The following EPN1 variants were observed in gnomAD, a reference collection of about 807,000 sequenced individuals.
EPN1 encodes the protein epsin 1, also known as epsin-1.
In EPN1, 25 loss-of-function variants were observed where a neutral mutation model predicts 56.9. The observed-to-expected ratio is 0.44, with a 90% confidence interval of 0.32 to 0.61. EPN1 has a LOEUF of 0.61. Among genes scored for constraint, EPN1 ranks in the 20% least tolerant of loss-of-function variants. The pLI, the probability that EPN1 is intolerant of heterozygous loss-of-function variation, is 0.05. For synonymous variants in EPN1, 411 were observed against 361.8 expected (o/e 1.14, Z -1.54); for missense variants, 785 against 823.7 (o/e 0.95, Z 0.58).
chr19:55,709,150 G>C lies in EPN1; in HGVS notation c.*13794G>C, dbSNP rs184959186. 5 of 721,040 alleles carry C rather than the reference G, an allele frequency of 6.9e-6. No individual in the cohort carries two copies. The highest frequency in any genetic ancestry group is 1.1e-5 in the Non-Finnish European group (5 of 474,588). The allele number at this position is 721,040 out of a possible 1,614,324, so 44.7% of individuals were successfully genotyped here. ...CTCCTCTCCTCTTTATTCTTTCCTA[G>C]AAATCACTGGGAGAATTGTACTGAA... On this transcript the variant is annotated 3_prime_UTR_variant, in exon 11 of 11. Transcript: ENST00000270460.
At chr19:55,679,079 C>G (rs762641943) in intron 2 of EPN1, among the ~76,000 whole-genome samples, 1 of 152,270 alleles carries the variant, frequency 6.6e-6, no homozygotes, top group Non-Finnish European at 1.5e-5. Flanking sequence ...ACGTAAGATT[C>G]ATGTGCTGAG....
rs1986667243 is a variant in EPN1, at chr19:55,692,934, A to G, written c.1178-17A>G. 10 of 1,612,880 alleles carry G rather than the reference A, an allele frequency of 6.2e-6. No homozygotes were observed. The highest frequency in any genetic ancestry group is 8.5e-6 in the Non-Finnish European group (10 of 1,179,506). ...GGGCCCCAGGGAGGGGCTGAGCAGAACATCCTGACCCCACAGCAGCCGGGG... is the reference window on the plus strand; with the variant it reads ...GGGCCCCAGGGAGGGGCTGAGCAGAGCATCCTGACCCCACAGCAGCCGGGG... On this transcript the variant is annotated splice_polypyrimidine_tract_variant and intron_variant, in intron 8 of 10. Transcript: ENST00000270460.
In EPN1 at chr19:55,708,696, ATTT is replaced by A. The variant is rs1987550339; in HGVS notation, c.*13341_*13343del. The A allele has an allele frequency of 2.6e-6, 1 of 389,658 alleles. No individual in the cohort carries two copies. Among genetic ancestry groups the A allele is most frequent in the African/African-American group, 2.1e-5 (1 of 48,656 alleles). The allele number at this position is 389,658 out of a possible 1,614,324, so 24.1% of individuals were successfully genotyped here. A position where few individuals can be genotyped will look rare whatever the true frequency, so the allele number is the denominator to read the frequency against. On this transcript the variant is annotated 3_prime_UTR_variant, in exon 11 of 11. Coordinates refer to ENST00000270460, the MANE Select transcript of EPN1 (RefSeq NM_001130072.2). ...TCTAAATATCACAAGGCAGGATGGG[ATTT>A]CTAAAGACAAGGGGATATAGGACCG...
At chr19:55,685,004 C>T (rs1411807591) in intron 2 of EPN1, among the ~76,000 whole-genome samples, 1 of 152,270 alleles carries the variant, frequency 6.6e-6, no homozygotes, top group East Asian at 1.9e-4. Flanking sequence ...AGAACGTCTT[C>T]ATTGCCCCAG....
rs764229031 is a variant in EPN1 at position 55,691,820 on chromosome 19, G to T, written c.829G>T (p.Gly277Trp). Residue 277 changes from glycine to tryptophan, a missense_variant, in exon 7 of 11, where the codon GGG becomes TGG. Coordinates refer to ENST00000270460, the MANE Select transcript of EPN1 (RefSeq NM_001130072.2). This position sits in a 1 kb window ranked among gnomAD's most constrained non-coding sequence, Gnocchi z 5.6. ...PAPAPTTDPW[G>W]GPAPMAAAVP... ...TCCTGCCCCGACCACAGACCCCTGG[G>T]GGGGCCCAGCACCCATGGCTGCTGC... The T allele has an allele frequency of 2.5e-6, 4 of 1,610,442 alleles. No homozygotes were observed. The highest frequency in any genetic ancestry group is 2.2e-5 in the East Asian group (1 of 44,834).
rs2122265957 is a variant in EPN1 at position 55,708,747 on chromosome 19, C to T, written c.*13391C>T. 3.9e-6 allele frequency: 2 copies of T among 506,456 alleles called. No individual in the cohort carries two copies. Among genetic ancestry groups the T allele is most frequent in the Non-Finnish European group, 7.0e-6 (2 of 285,600 alleles). The allele number at this position is 506,456 out of a possible 1,614,324, so 31.4% of individuals were successfully genotyped here. A position where few individuals can be genotyped will look rare whatever the true frequency, so the allele number is the denominator to read the frequency against. ...CCGAGGCAAAGACAATCAGCATGTA[C>T]ACTGAATCACACTCCATAATCATAT... On this transcript the variant is annotated 3_prime_UTR_variant, in exon 11 of 11. Coordinates refer to ENST00000270460, the MANE Select transcript of EPN1 (RefSeq NM_001130072.2).
Position 55,709,166 on chromosome 19 carries a change from T to C in EPN1, c.*13810T>C. 7.9e-6 allele frequency: 5 copies of C among 636,374 alleles called. No homozygotes were observed. The highest frequency in any genetic ancestry group is 9.8e-6 in the Non-Finnish European group (4 of 408,100). 39.4% of individuals were successfully genotyped at this position (636,374 alleles called of 1,614,324 possible). On this transcript the variant is annotated 3_prime_UTR_variant, in exon 11 of 11. Transcript: ENST00000270460. ...TCTTTCCTAGAAATCACTGGGAGAA[T>C]TGTACTGAATTTGAAAAACAAGCAT...
At chr19:55,685,268 C>A in intron 2 of EPN1, 128 bp from the exon 3 acceptor site, 1 of 1,155,672 alleles carries the variant, frequency 8.7e-7, no homozygotes, top group Non-Finnish European at 1.2e-6. Flanking sequence ...GATGTGTGTC[C>A]ACCCACTGGC....
At position 55,702,786 on chromosome 19, in the gene EPN1, CTTT is replaced by C. The variant is rs1987204066; in HGVS notation, c.*7432_*7434del. ...TCATCTAAGCCGCATTTACTCCTTT[CTTT>C]TCTTTCACTGTTGTTTTTTTTTTGA... On this transcript the variant is annotated 3_prime_UTR_variant, in exon 11 of 11. Transcript: ENST00000270460. The C allele has an allele frequency of 7.2e-6, 1 of 139,220 alleles. No homozygotes were observed. The highest frequency in any genetic ancestry group is 1.5e-5 in the Non-Finnish European group (1 of 65,908). 8.6% of individuals were successfully genotyped at this position (139,220 alleles called of 1,614,324 possible).
At position 55,691,408 on chromosome 19, in the gene EPN1, C is replaced by T. The variant is rs985168866; in HGVS notation, c.763-346C>T. Among the ~76,000 whole-genome samples the T allele has an allele frequency of 6.6e-6, 1 of 151,974 alleles. No individual in the cohort carries two copies. Among genetic ancestry groups the T allele is most frequent in the Non-Finnish European group, 1.5e-5 (1 of 67,972 alleles). Reference sequence around the variant, plus strand: ...CGGGTCGAGCGAGGGGAGGGCTTGGCCTCCATCCTCAGTCAGGGCCGGGCA... The same window carrying T: ...CGGGTCGAGCGAGGGGAGGGCTTGGTCTCCATCCTCAGTCAGGGCCGGGCA... On this transcript the variant is annotated intron_variant, in intron 6 of 10. Transcript: ENST00000270460. The surrounding 1 kb of genome is among the most constrained non-coding windows in gnomAD (Gnocchi z 5.6).
At position 55,696,342 on chromosome 19, in the gene EPN1, G is replaced by T. The variant is rs140943567; in HGVS notation, c.*986G>T. ...ATCCTCGGGCCGCCTTGTGAGGGGG[G>T]TGTTGCTGTCATCTCCAGGGCTAGG... is the stretch of plus-strand genomic sequence containing the variant. On this transcript the variant is annotated 3_prime_UTR_variant, in exon 11 of 11. Coordinates refer to ENST00000270460, the MANE Select transcript of EPN1 (RefSeq NM_001130072.2). 6.4e-3 allele frequency: 973 copies of T among 152,550 alleles called. 8 individuals carry two copies. The highest frequency in any genetic ancestry group is 0.023 in the Middle Eastern group (7 of 298). 9.4% of individuals were successfully genotyped at this position (152,550 alleles called of 1,614,324 possible).
At position 55,691,783 on chromosome 19, in the gene EPN1, C is replaced by T. The variant is rs1346288248; in HGVS notation, c.792C>T (p.Phe264=). The T allele has an allele frequency of 6.2e-7, 1 of 1,612,804 alleles. No homozygotes were observed. Among genetic ancestry groups the T allele is most frequent in the South Asian group, 1.1e-5 (1 of 91,000 alleles). The change falls in exon 7 of 11, where the codon TTC becomes TTT. Residue 264 remains phenylalanine (F), a synonymous_variant. Coordinates refer to ENST00000270460, the MANE Select transcript of EPN1 (RefSeq NM_001130072.2). This position sits in a 1 kb window ranked among gnomAD's most constrained non-coding sequence, Gnocchi z 5.6. ...CCCTCATGGACCTTGCTGACGTCTT[C>T]ACGGCCCCAGCTCCTGCCCCGACCA... ...ESSLMDLADV[F]TAPAPAPTTD...
chr19:55,682,589 TTTG>T (rs1985887954), intron 2 of EPN1, among the ~76,000 whole-genome samples: 3 of 151,910 alleles, frequency 2.0e-5, no homozygotes, highest in Admixed American at 1.3e-4. Flanking sequence ...TAGCTAATTT[TTTG>T]TTATTTTATT....
rs777476483 is a variant in EPN1 at position 55,703,371 on chromosome 19, T to G, written c.*8015T>G. Reference sequence around the variant, plus strand: ...GGAGTTTCACTGTCGTCACCCAGGCTAGAGTGCAATGGTGTGATTTCGGCT... The same window carrying G: ...GGAGTTTCACTGTCGTCACCCAGGCGAGAGTGCAATGGTGTGATTTCGGCT... On this transcript the variant is annotated 3_prime_UTR_variant, in exon 11 of 11. Transcript: ENST00000270460. 3.3e-5 allele frequency: 5 copies of G among 152,276 alleles called. No homozygotes were observed. Among genetic ancestry groups the G allele is most frequent in the Non-Finnish European group, 5.9e-5 (4 of 68,154 alleles). The allele number at this position is 152,276 out of a possible 1,614,324, so 9.4% of individuals were successfully genotyped here.
chr19:55,699,359 C>A lies in EPN1; in HGVS notation c.*4003C>A, dbSNP rs1452164216. On this transcript the variant is annotated 3_prime_UTR_variant, in exon 11 of 11. Transcript: ENST00000270460. ...TCTAGCTTCCCGGGTGTGGCGTGAG[C>A]CATTGCGTCCGGCCAGAAATGTTTT... 6.6e-6 allele frequency: 1 copy of A among 152,178 alleles called. No homozygotes were observed. Among genetic ancestry groups the A allele is most frequent in the Non-Finnish European group, 1.5e-5 (1 of 68,044 alleles). 9.4% of individuals were successfully genotyped at this position (152,178 alleles called of 1,614,324 possible). A position where few individuals can be genotyped will look rare whatever the true frequency, so the allele number is the denominator to read the frequency against.
rs527585533 is a variant in EPN1, at chr19:55,702,994, T to G, written c.*7638T>G. ...TTTTGTATTGTTAGTAGAGACGGGGTTTCACCGTGTTAGCCAGGATGGTCT... is the reference window on the plus strand; with the variant it reads ...TTTTGTATTGTTAGTAGAGACGGGGGTTCACCGTGTTAGCCAGGATGGTCT... On this transcript the variant is annotated 3_prime_UTR_variant, in exon 11 of 11. Transcript: ENST00000270460. 1 of 152,098 alleles carries G rather than the reference T, an allele frequency of 6.6e-6. No homozygotes were observed. Among genetic ancestry groups the G allele is most frequent in the South Asian group, 2.1e-4 (1 of 4,806 alleles). The allele number at this position is 152,098 out of a possible 1,614,324, so 9.4% of individuals were successfully genotyped here. A position where few individuals can be genotyped will look rare whatever the true frequency, so the allele number is the denominator to read the frequency against.
chr19:55,685,060 C>T (rs1986072950), intron 2 of EPN1, among the ~76,000 whole-genome samples: 1 of 152,240 alleles, frequency 6.6e-6, no homozygotes, highest in South Asian at 2.1e-4. Context: ...ATCCCTCCCT[C>T]CACCCCTGGC....
rs1986925752 is a variant in EPN1, at chr19:55,696,734, T to C, written c.*1378T>C. The C allele has an allele frequency of 6.6e-6, 1 of 152,246 alleles. No individual in the cohort carries two copies. The highest frequency in any genetic ancestry group is 1.9e-4 in the East Asian group (1 of 5,198). 9.4% of individuals were successfully genotyped at this position (152,246 alleles called of 1,614,324 possible). ...CACTGAGAGGGACATGACTGCGGTG[T>C]CCGAGCAGCGTCGTGGCCACCCTGT... On this transcript the variant is annotated 3_prime_UTR_variant, in exon 11 of 11. Transcript: ENST00000270460.
rs376661309 is a variant in EPN1 at position 55,691,813 on chromosome 19, C to T, written c.822C>T (p.Asp274=). 2.9e-5 allele frequency: 46 copies of T among 1,610,832 alleles called. No homozygotes were observed. The African/African-American group carries it at 6.0e-4, about 21-fold the overall frequency. Residue 274 remains aspartate (D), a synonymous_variant, in exon 7 of 11, where the codon GAC becomes GAT. Transcript: ENST00000270460. The surrounding 1 kb of genome is among the most constrained non-coding windows in gnomAD (Gnocchi z 5.6). ...FTAPAPAPTT[D]PWGGPAPMAA... ...CCCCAGCTCCTGCCCCGACCACAGA[C>T]CCCTGGGGGGGCCCAGCACCCATGG...
Sources: allele counts gnomAD v4.1 joint callset (sites outside exome capture counted in the v4.1 genomes callset), GRCh38; gene constraint gnomAD v4.1.1; non-coding constraint Gnocchi (gnomAD v3.1); transcripts MANE v1.5; gene names NCBI Gene and HGNC (gene_info 2026-07-23, HGNC 2026-07-21).